Variants in ZNF618 observed in about 807,000 individuals in gnomAD.
ZNF618 encodes neural precursor cell expressed, developmentally down-regulated 10.
Under a neutral mutation model 103.0 loss-of-function variants are expected in ZNF618, and 34 were observed. That is an observed-to-expected ratio of 0.33 (90% CI 0.25 to 0.44). The LOEUF (loss-of-function observed/expected upper bound fraction) is 0.44, where lower values mean the gene tolerates loss of function less well. Among genes scored for constraint, ZNF618 ranks in the 20% least tolerant of loss-of-function variants. ZNF618 has a pLI of 1.00. For synonymous variants in ZNF618, 551 were observed against 542.2 expected (o/e 1.02, Z -0.23); for missense variants, 1,059 against 1,295.4 (o/e 0.82, Z 2.80).
chr9:114,018,200 C>G (rs535370501), intron 10 of ZNF618, among the ~76,000 whole-genome samples: 2 of 152,326 alleles, frequency 1.3e-5, no homozygotes, highest in Admixed American at 6.5e-5. Context: ...AGAGCCAGAT[C>G]TTGTGTGGAG....
At position 113,876,312 on chromosome 9, in the gene ZNF618, GT is replaced by G; in HGVS notation, c.-68del. 4 of 1,081,960 alleles carry G rather than the reference GT, an allele frequency of 3.7e-6. No individual in the cohort carries two copies. The highest frequency in any genetic ancestry group is 4.5e-6 in the Non-Finnish European group (4 of 893,402). The allele number at this position is 1,081,960 out of a possible 1,614,324, so 67.0% of individuals were successfully genotyped here. ...CGGCGGCGGCGGCGGCGGCGGCATT[GT>G]GCGCGCACCAGCAGCCCGGCCCGGG... On this transcript the variant is annotated 5_prime_UTR_variant, in exon 1 of 15. Coordinates refer to ENST00000374126, the MANE Select transcript of ZNF618 (RefSeq NM_001318042.2).
At chr9:113,924,493 A>G (rs1027714404) in intron 1 of ZNF618, among the ~76,000 whole-genome samples, 1 of 150,530 alleles carries the variant, frequency 6.6e-6, no homozygotes, top group South Asian at 2.1e-4. Flanking sequence ...TTTTCAAATA[A>G]TGAGCCATTA....
intron 6 of ZNF618, among the ~76,000 whole-genome samples, chr9:114,006,706 G>C (rs566283266): frequency 6.6e-6 from 1 of 152,266 alleles, no homozygotes; most frequent in East Asian, 1.9e-4. Flanking sequence ...GTCTTTCCCT[G>C]GCTGCAGGCA....
intron 2 of ZNF618, among the ~76,000 whole-genome samples, chr9:113,976,496 A>G (rs528520553): frequency 1.1e-3 from 164 of 152,294 alleles, no homozygotes; most frequent in Non-Finnish European, 2.0e-3. Context: ...TCTGCTGACA[A>G]AAGAGAACAT....
chr9:113,907,384 G>A (rs987063785), intron 1 of ZNF618, among the ~76,000 whole-genome samples: 3 of 152,176 alleles, frequency 2.0e-5, no homozygotes, highest in African/African-American at 7.2e-5. Context: ...GTGTTCACAG[G>A]TCTGCTTGGC....
intron 4 of ZNF618, 60 bp downstream of exon 4, chr9:113,998,414 G>A: frequency 6.9e-7 from 1 of 1,450,170 alleles, no homozygotes; most frequent in Non-Finnish European, 9.5e-7. Context: ...GGGCACAGCT[G>A]GACACAGCCA....
At chr9:113,934,840 C>T (rs539563459) in intron 1 of ZNF618, among the ~76,000 whole-genome samples, 5 of 152,304 alleles carry the variant, frequency 3.3e-5, no homozygotes, top group African/African-American at 9.6e-5. Flanking sequence ...GGCCGTGGCC[C>T]GAGCATGGAG....
intron 1 of ZNF618, among the ~76,000 whole-genome samples, chr9:113,932,994 C>G (rs1054611309): frequency 1.3e-5 from 2 of 152,076 alleles, no homozygotes; most frequent in African/African-American, 4.8e-5. Context: ...GGAGGAGGAA[C>G]CGGTCAATGG....
intron 2 of ZNF618, among the ~76,000 whole-genome samples, chr9:113,975,181 G>A (rs1838364087): frequency 6.6e-6 from 1 of 152,028 alleles, no homozygotes; most frequent in Admixed American, 6.6e-5. Flanking sequence ...TTTGTTGAAG[G>A]CCTACCATGA....
chr9:114,050,434 GCACACACGCA>G lies in ZNF618; in HGVS notation c.*275_*284del, dbSNP rs1432872213. ...TCATCTCCATGGCCAGAGAAACTTT[GCACACACGCA>G]CACACACACACACACACACACACAC... On this transcript the variant is annotated 3_prime_UTR_variant, in exon 15 of 15. Coordinates refer to ENST00000374126, the MANE Select transcript of ZNF618 (RefSeq NM_001318042.2). The G allele has an allele frequency of 6.3e-6, 2 of 316,724 alleles. No individual in the cohort carries two copies. The highest frequency in any genetic ancestry group is 5.3e-5 in the Admixed American group (1 of 19,010). The allele number at this position is 316,724 out of a possible 1,614,324, so 19.6% of individuals were successfully genotyped here. A position where few individuals can be genotyped will look rare whatever the true frequency, so the allele number is the denominator to read the frequency against.
At chr9:113,980,368 G>A (rs1838863034) in intron 2 of ZNF618, among the ~76,000 whole-genome samples, 3 of 151,904 alleles carry the variant, frequency 2.0e-5, no homozygotes, top group African/African-American at 7.3e-5. Flanking sequence ...GTTTATGCAG[G>A]TCTGGAGTTC....
intron 3 of ZNF618, among the ~76,000 whole-genome samples, chr9:113,992,446 G>T (rs7032124): frequency 6.6e-6 from 1 of 151,818 alleles, no homozygotes; most frequent in African/African-American, 2.4e-5. Context: ...CTGGGGTGGG[G>T]TGCTGGTTAG....
chr9:114,036,304 C>T lies in ZNF618; in HGVS notation c.1173C>T (p.Pro391=). 1 of 1,571,682 alleles carries T rather than the reference C, an allele frequency of 6.4e-7. No individual in the cohort carries two copies. Among genetic ancestry groups the T allele is most frequent in the Non-Finnish European group, 8.6e-7 (1 of 1,157,750 alleles). ...CTGCCGCATTTCTCCCTCCAGAACC[C>T]TACACCTGCGGCGCCTGTGGGATCC... is the stretch of plus-strand genomic sequence containing the variant. The part of the protein sequence containing the change: ...TNSSSQNSSE[P]YTCGACGIQF... The change falls in exon 13 of 15, where the codon CCC becomes CCT. Residue 391 remains proline (P), a synonymous_variant. Coordinates refer to ENST00000374126, the MANE Select transcript of ZNF618 (RefSeq NM_001318042.2).
chr9:113,929,371 T>C (rs1424417736), intron 1 of ZNF618, among the ~76,000 whole-genome samples: 1 of 152,248 alleles, frequency 6.6e-6, no homozygotes, highest in Non-Finnish European at 1.5e-5. Context: ...CTCTGTGGCC[T>C]CAATCCTCTG....
chr9:113,942,915 A>G (rs748908034), intron 1 of ZNF618, among the ~76,000 whole-genome samples: 1 of 152,178 alleles, frequency 6.6e-6, no homozygotes, highest in Non-Finnish European at 1.5e-5. Flanking sequence ...CCCAAACTCC[A>G]TATAATTTTC....
At chr9:114,032,820 G>T in intron 12 of ZNF618, 92 bp downstream of exon 12, 1 of 1,120,336 alleles carries the variant, frequency 8.9e-7, no homozygotes, top group Non-Finnish European at 1.4e-6. Flanking sequence ...GTGGGCTGGG[G>T]TCTTTGTGGT....
intron 13 of ZNF618, among the ~76,000 whole-genome samples, chr9:114,043,173 G>C (rs377419863): frequency 6.6e-6 from 1 of 152,172 alleles, no homozygotes; most frequent in African/African-American, 2.4e-5. Flanking sequence ...TATGAATAAC[G>C]CTGCTATGAA....
intron 1 of ZNF618, among the ~76,000 whole-genome samples, chr9:113,913,891 G>C (rs148863660): frequency 6.6e-6 from 1 of 152,300 alleles, no homozygotes; most frequent in East Asian, 1.9e-4. Context: ...GCTCCACGGG[G>C]ACATGGGAGA....
In ZNF618 at chr9:113,895,007, A is replaced by G. The variant is rs755068418; in HGVS notation, c.33+18594A>G. ...CAGGGATAACAAGTATTCTTGTATT[A>G]TCTTATTTCTTTTCTTAGTGAGAAG... is the stretch of plus-strand genomic sequence containing the variant. On this transcript the variant is annotated intron_variant, in intron 1 of 14. Coordinates refer to ENST00000374126, the MANE Select transcript of ZNF618 (RefSeq NM_001318042.2). 6.5e-4 allele frequency among the ~76,000 whole-genome samples: 99 copies of G among 152,254 alleles called. 1 individual carries two copies. The highest frequency in any genetic ancestry group is 1.5e-3 in the South Asian group (7 of 4,822).
Sources: allele counts gnomAD v4.1 joint callset (sites outside exome capture counted in the v4.1 genomes callset), GRCh38; gene constraint gnomAD v4.1.1; transcripts MANE v1.5; gene names NCBI Gene and HGNC (gene_info 2026-07-23, HGNC 2026-07-21).